Variants in WNK4 observed in about 807,000 individuals in gnomAD.
The protein encoded by WNK4 is serine/threonine-protein kinase WNK4.
Under a neutral mutation model 116.2 loss-of-function variants are expected in WNK4, and 94 were observed. The observed-to-expected ratio is 0.81, with a 90% CI of 0.68 to 0.96. WNK4 has a LOEUF of 0.96. Ranked by LOEUF, WNK4 falls within the 40% of genes least tolerant of loss-of-function variation. The pLI is 0.00. For missense variants in WNK4, 1,542 were observed against 1,650.6 expected (o/e 0.93, Z 1.14); for synonymous variants, 655 against 672.7 (o/e 0.97, Z 0.41).
Position 42,796,827 on chromosome 17 carries a change from T to C in WNK4, c.*139T>C. 1 of 1,566,168 alleles carries C rather than the reference T, an allele frequency of 6.4e-7. No homozygotes were observed. Among genetic ancestry groups the C allele is most frequent in the Non-Finnish European group, 8.8e-7 (1 of 1,140,788 alleles). On this transcript the variant is annotated 3_prime_UTR_variant, in exon 19 of 19. Coordinates refer to ENST00000246914, the MANE Select transcript of WNK4 (RefSeq NM_032387.5). ...GAAGGGGTAGAAGGCCAGGGGGGCA[T>C]GGAGAGTGCAGCTCCATTATAGTGA...
Position 42,796,956 on chromosome 17 carries a change from A to G in WNK4, c.*268A>G, listed in dbSNP as rs377763866. 5 of 618,170 alleles carry G rather than the reference A, an allele frequency of 8.1e-6. No homozygotes were observed. The African/African-American group carries it at 9.3e-5, about 11-fold the overall frequency. 38.3% of individuals were successfully genotyped at this position (618,170 alleles called of 1,614,324 possible). On this transcript the variant is annotated 3_prime_UTR_variant, in exon 19 of 19. Transcript: ENST00000246914. ...CCTGCCAAGAGTCAACCACTAAGCA[A>G]TCCCACCCAAGCCTGGATGCTTCTA... is the stretch of plus-strand genomic sequence containing the variant.
At chr17:42,795,562 TACTC>T (rs753505057) in intron 15 of WNK4, 41 bp downstream of exon 15, 2 of 1,614,236 alleles carry the variant, frequency 1.2e-6, no homozygotes, top group Non-Finnish European at 1.7e-6. Flanking sequence ...CCATTATCCC[TACTC>T]ACTGTCTGTC....
chr17:42,780,801 C>T lies in WNK4; in HGVS notation c.103C>T (p.Arg35Cys), dbSNP rs969905249. The change falls in exon 1 of 19, where the codon CGC becomes TGC. Residue 35 changes from arginine to cysteine, a missense_variant. Arg to Cys is a radical substitution (Grantham distance 180). Around this residue, in one of 7 missense-constraint regions of WNK4, gnomAD observed 243 missense variants for 217.8 expected, o/e 1.12. Coordinates refer to ENST00000246914, the MANE Select transcript of WNK4 (RefSeq NM_032387.5). The part of the protein sequence containing the change: ...PPPLGTAGQP[R>C]LGPPPRRARR... ...TCCTCTTGGCACCGCGGGGCAGCCC[C>T]GCCTCGGGCCCCCTCCTCGCCGAGC... 5 of 1,602,886 alleles carry T rather than the reference C, an allele frequency of 3.1e-6. No homozygotes were observed. Among genetic ancestry groups the T allele is most frequent in the Non-Finnish European group, 4.2e-6 (5 of 1,178,232 alleles).
At chr17:42,781,829 C>T (rs1261540148) in intron 1 of WNK4, among the ~76,000 whole-genome samples, 1 of 152,118 alleles carries the variant, frequency 6.6e-6, no homozygotes, top group Non-Finnish European at 1.5e-5. Context: ...AGAATAGGGC[C>T]CCCTAACCCC....
rs190384194 is a variant in WNK4, at chr17:42,794,897, G to C, written c.2476G>C (p.Gly826Arg). Residue 826 changes from glycine to arginine, a missense_variant, in exon 14 of 19, where the codon GGT becomes CGT. Physicochemically the swap from Gly to Arg is moderately radical, Grantham distance 125 (BLOSUM62 -2). Coordinates refer to ENST00000246914, the MANE Select transcript of WNK4 (RefSeq NM_032387.5). ...PFSPGTPISPGPIFPITSPPC... is the reference protein window; with the variant it reads ...PFSPGTPISPRPIFPITSPPC... Reference sequence around the variant, plus strand: ...TTCCCCTGGAACCCCCATTTCCCCAGGTCCCATCTTCCCCATCACTTCTCC... The same window carrying C: ...TTCCCCTGGAACCCCCATTTCCCCACGTCCCATCTTCCCCATCACTTCTCC... 7 of 1,603,572 alleles carry C rather than the reference G, an allele frequency of 4.4e-6. No homozygotes were observed. Among genetic ancestry groups the C allele is most frequent in the Non-Finnish European group, 5.9e-6 (7 of 1,176,956 alleles).
chr17:42,781,443 A>T (rs964800029), intron 1 of WNK4, 127 bp downstream of exon 1: 1 of 1,269,128 alleles, frequency 7.9e-7, no homozygotes, highest in African/African-American at 1.5e-5. Flanking sequence ...GTCTATAGAC[A>T]CCTCTGCTGT....
At position 42,796,931 on chromosome 17, in the gene WNK4, C is replaced by T. The variant is rs1214134757; in HGVS notation, c.*243C>T. On this transcript the variant is annotated 3_prime_UTR_variant, in exon 19 of 19. Transcript: ENST00000246914. Reference sequence around the variant, plus strand: ...TACCATCTTCATCTCTAGCACCTCCCCTGCCAAGAGTCAACCACTAAGCAA... The same window carrying T: ...TACCATCTTCATCTCTAGCACCTCCTCTGCCAAGAGTCAACCACTAAGCAA... The T allele has an allele frequency of 1.8e-5, 13 of 740,128 alleles. No homozygotes were observed. The highest frequency in any genetic ancestry group is 2.8e-5 in the Non-Finnish European group (13 of 466,432). 45.8% of individuals were successfully genotyped at this position (740,128 alleles called of 1,614,324 possible).
In WNK4 at chr17:42,780,990, C is replaced by A. The variant is rs530404486; in HGVS notation, c.292C>A (p.Pro98Thr). The A allele has an allele frequency of 1.7e-5, 28 of 1,610,228 alleles. No individual in the cohort carries two copies. In the East Asian group the frequency reaches 2.7e-4, roughly 15 times the overall value. The change falls in exon 1 of 19, where the codon CCA becomes ACA. Residue 98 changes from proline (P) to threonine (T), a missense_variant. Around this residue, in one of 7 missense-constraint regions of WNK4, gnomAD observed 243 missense variants for 217.8 expected, o/e 1.12. Transcript: ENST00000246914. ...CGCTGGTCCTGGCCCCGCGAGGAGC[C>A]CACCGCCTAGCTCCAAAGAACCCCC... ...DSAGPGPARS[P>T]PPSSKEPPEG...
At chr17:42,788,251 C>G (rs1481321972) in intron 9 of WNK4, 39 bp from the exon 10 acceptor site, 1 of 1,613,424 alleles carries the variant, frequency 6.2e-7, no homozygotes, top group Non-Finnish European at 8.5e-7. Flanking sequence ...GTCCCAGTGT[C>G]TGCTCTGACA....
Position 42,794,795 on chromosome 17 carries a change from C to T in WNK4, c.2374C>T (p.Leu792=). ...SNEELQSSTS[L]EHRSWTAFST... is the part of the protein sequence containing the mutation. Reference sequence around the variant, plus strand: ...AGAAGAGCTCCAGAGCAGCACCTCCCTGGAGCACAGGAGCTGGACAGCCTT... The same window carrying T: ...AGAAGAGCTCCAGAGCAGCACCTCCTTGGAGCACAGGAGCTGGACAGCCTT... Residue 792 remains leucine, a synonymous_variant, in exon 14 of 19, where the codon CTG becomes TTG. Transcript: ENST00000246914. 1 of 1,614,088 alleles carries T rather than the reference C, an allele frequency of 6.2e-7. No individual in the cohort carries two copies. Among genetic ancestry groups the T allele is most frequent in the Non-Finnish European group, 8.5e-7 (1 of 1,180,004 alleles).
chr17:42,781,910 G>C (rs61754334), intron 1 of WNK4, among the ~76,000 whole-genome samples: 1 of 152,178 alleles, frequency 6.6e-6, no homozygotes, highest in Non-Finnish European at 1.5e-5. Flanking sequence ...TCCAGCTCTC[G>C]AGTGAGTCCA....
In WNK4 at chr17:42,796,682, C is replaced by T. The variant is rs1481138778; in HGVS notation, c.3730-4C>T. 2.5e-6 allele frequency: 4 copies of T among 1,614,072 alleles called. No homozygotes were observed. The highest frequency in any genetic ancestry group is 3.3e-4 in the Middle Eastern group (2 of 6,084). ...TTCTTCATCACTTTTTCTTTTCCCT[C>T]CAGTGAATTCAGAACAGAAGCCATG... is the stretch of plus-strand genomic sequence containing the variant. On this transcript the variant is annotated splice_region_variant and splice_polypyrimidine_tract_variant and intron_variant, in intron 18 of 18. Transcript: ENST00000246914.
chr17:42,795,187 T>A lies in WNK4; in HGVS notation c.2766T>A (p.Pro922=). The A allele has an allele frequency of 6.2e-7, 1 of 1,613,572 alleles. No individual in the cohort carries two copies. Among genetic ancestry groups the A allele is most frequent in the Non-Finnish European group, 8.5e-7 (1 of 1,179,906 alleles). ...CCTTCCCCTCCACCACAGCAGCCCC[T>A]CTCCTTTCTCTGGCTAGTGCCTTCT... ...TSSFPSTTAA[P]LLSLASAFSL... The change falls in exon 14 of 19, where the codon CCT becomes CCA. Residue 922 remains proline (P), a synonymous_variant. Coordinates refer to ENST00000246914, the MANE Select transcript of WNK4 (RefSeq NM_032387.5).
At position 42,795,359 on chromosome 17, in the gene WNK4, C is replaced by G. The variant is rs780191203; in HGVS notation, c.2938C>G (p.His980Asp). The change falls in exon 14 of 19, where the codon CAC (histidine) becomes GAC (aspartate). Residue 980 changes from histidine (H) to aspartate (D), a missense_variant. His to Asp is a moderately conservative substitution (Grantham distance 81). This residue lies in a region of WNK4 where 292 missense variants were observed against 290.1 expected (regional missense o/e 1.01). Transcript: ENST00000246914. ...TGGTGGCCAGGAAAGCCCTTCACCC[C>G]ACACAGCTGAGGTGGAGAGTGAGGT... Reference protein sequence around the residue: ...APGGQESPSPHTAEVESEASP... With the variant: ...APGGQESPSPDTAEVESEASP... 9 of 1,614,024 alleles carry G rather than the reference C, an allele frequency of 5.6e-6. No homozygotes were observed. Among genetic ancestry groups the G allele is most frequent in the South Asian group, 2.2e-5 (2 of 91,086 alleles).
In WNK4 at chr17:42,791,960, A is replaced by AT. The variant is rs1210182450; in HGVS notation, c.2158-1632_2158-1631insT. Among the ~76,000 whole-genome samples, 895 of 150,134 alleles carry AT rather than the reference A, an allele frequency of 6.0e-3. 7 individuals are homozygous for AT. Among genetic ancestry groups the AT allele is most frequent in the African/African-American group, 0.021 (837 of 39,630 alleles). ...GCAAGGCTCAGTCTCAAAAAAAAAA[A>AT]AAAATAATAATGTACCATGCCTTTC... On this transcript the variant is annotated intron_variant, in intron 11 of 18. Coordinates refer to ENST00000246914, the MANE Select transcript of WNK4 (RefSeq NM_032387.5).
rs762015831 is a variant in WNK4, at chr17:42,795,467, C to T, written c.2968C>T (p.Pro990Ser). The change falls in exon 15 of 19, where the codon CCA (proline) becomes TCA (serine). Residue 990 changes from proline to serine, a missense_variant. Pro to Ser is a moderately conservative substitution (Grantham distance 74, BLOSUM62 -1). Around this residue, in one of 7 missense-constraint regions of WNK4, gnomAD observed 292 missense variants for 290.1 expected, o/e 1.01. Transcript: ENST00000246914. ...HTAEVESEAS[P>S]PPARPLPGEA... is the part of the protein sequence containing the mutation. ...ATGGCCCCCCACTTTCTAGGCCTCA[C>T]CACCTCCTGCTCGGCCCCTCCCAGG... 2.5e-6 allele frequency: 4 copies of T among 1,614,246 alleles called. No individual in the cohort carries two copies. The East Asian group carries it at 8.9e-5, about 36-fold the overall frequency.
Position 42,784,327 on chromosome 17 carries a change from A to G in WNK4, c.1013-95A>G. 6.4e-7 allele frequency: 1 copy of G among 1,563,916 alleles called. No homozygotes were observed. The highest frequency in any genetic ancestry group is 8.7e-7 in the Non-Finnish European group (1 of 1,148,906). ...CTCAACCCCACTGTGGGCCGGGGTC[A>G]CTTGCACTCGCAGGGTTGCCTGGGG... On this transcript the variant is annotated intron_variant, in intron 3 of 18. Transcript: ENST00000246914. This position sits in a 1 kb window ranked among gnomAD's most constrained non-coding sequence, Gnocchi z 4.4.
Position 42,794,941 on chromosome 17 carries a change from C to A in WNK4, c.2520C>A (p.Pro840=), listed in dbSNP as rs2054647315. Residue 840 remains proline (P), a synonymous_variant, in exon 14 of 19, where the codon CCC becomes CCA. Transcript: ENST00000246914. The part of the protein sequence containing the change: ...PITSPPCHPS[P]SPFSPISSQV... ...CTTCTCCCCCATGTCATCCCAGCCC[C>A]TCCCCATTCTCCCCCATTTCTTCCC... The A allele has an allele frequency of 6.2e-7, 1 of 1,612,448 alleles. No individual in the cohort carries two copies. The highest frequency in any genetic ancestry group is 1.7e-5 in the Admixed American group (1 of 59,838).
At chr17:42,793,508 C>G (rs1349308409) in intron 11 of WNK4, 84 bp from the exon 12 acceptor site, 11 of 1,590,724 alleles carry the variant, frequency 6.9e-6, no homozygotes, top group African/African-American at 1.3e-5. Context: ...CCGCGCCCAG[C>G]CTGATGTTTT....
Sources: allele counts gnomAD v4.1 joint callset (sites outside exome capture counted in the v4.1 genomes callset), GRCh38; gene constraint gnomAD v4.1.1; regional missense constraint gnomAD v4.1.1; non-coding constraint Gnocchi (gnomAD v3.1); transcripts MANE v1.5; gene names NCBI Gene and HGNC (gene_info 2026-07-23, HGNC 2026-07-21).